Variants in NDST4 observed in about 807,000 individuals in gnomAD.
NDST4 encodes N-heparan sulfate sulfotransferase 4.
In NDST4, 63 loss-of-function variants were observed where a neutral mutation model predicts 100.8. The ratio of observed to expected loss-of-function variants is 0.62; its 90% confidence interval spans 0.51 to 0.77. The LOEUF (loss-of-function observed/expected upper bound fraction) is 0.77. Among genes scored for constraint, NDST4 ranks in the 30% least tolerant of loss-of-function variants. NDST4 has a pLI of 0.00. For synonymous variants in NDST4, 377 were observed against 361.8 expected (o/e 1.04, Z -0.48); for missense variants, 943 against 1,018.4 (o/e 0.93, Z 1.01).
intron 4 of NDST4, among the ~76,000 whole-genome samples, chr4:114,945,214 A>AAAG (rs1725836149): frequency 6.7e-6 from 1 of 149,108 alleles, no homozygotes; most frequent in African/African-American, 2.5e-5. Flanking sequence ...GTCTCAAAAA[A>AAAG]AAAAAAAAAA....
intron 2 of NDST4, among the ~76,000 whole-genome samples, chr4:115,002,900 A>T (rs1346578440): frequency 2.6e-5 from 4 of 152,176 alleles, no homozygotes; most frequent in Admixed American, 2.0e-4. Context: ...ATGCAGCCAT[A>T]AAAAAGAATG....
intron 7 of NDST4, among the ~76,000 whole-genome samples, chr4:114,863,753 A>G (rs1723967241): frequency 6.6e-6 from 1 of 152,226 alleles, no homozygotes; most frequent in African/African-American, 2.4e-5. Flanking sequence ...GGTGATGCAC[A>G]TGGTTTGTAT....
intron 2 of NDST4, among the ~76,000 whole-genome samples, chr4:114,981,059 A>T (rs1726759393): frequency 6.6e-6 from 1 of 152,136 alleles, no homozygotes; most frequent in African/African-American, 2.4e-5. Context: ...AAAAAAATAC[A>T]AAAATTAGCC....
At chr4:115,078,876 A>G (rs1729244892) in intron 1 of NDST4, among the ~76,000 whole-genome samples, 1 of 151,948 alleles carries the variant, frequency 6.6e-6, no homozygotes, top group Non-Finnish European at 1.5e-5. Context: ...AGTGACCTGG[A>G]TGCTTCTAAC....
intron 5 of NDST4, among the ~76,000 whole-genome samples, chr4:114,935,883 T>C (rs1725619149): frequency 6.6e-6 from 1 of 152,194 alleles, no homozygotes; most frequent in African/African-American, 2.4e-5. Flanking sequence ...CTTTTGTAAG[T>C]CTGAATGTTT....
chr4:114,877,392 C>T (rs1724277802), intron 6 of NDST4, among the ~76,000 whole-genome samples: 1 of 152,116 alleles, frequency 6.6e-6, no homozygotes, highest in Non-Finnish European at 1.5e-5. Context: ...CACACACATG[C>T]ATGTCAGCTG....
intron 11 of NDST4, among the ~76,000 whole-genome samples, chr4:114,836,185 T>G (rs2126181773): frequency 6.6e-6 from 1 of 152,344 alleles, no homozygotes; most frequent in Non-Finnish European, 1.5e-5. Context: ...GTACATTACT[T>G]AATACAATTT....
intron 1 of NDST4, among the ~76,000 whole-genome samples, chr4:115,086,602 T>C: frequency 6.6e-6 from 1 of 152,112 alleles, no homozygotes; most frequent in South Asian, 2.1e-4. Flanking sequence ...ACTAGGTTCA[T>C]AGCTCTGAGC....
At chr4:115,072,611 G>A (rs114374329) in intron 2 of NDST4, among the ~76,000 whole-genome samples, 1,836 of 152,040 alleles carry the variant, frequency 0.012, 34 homozygotes, top group African/African-American at 0.041. Flanking sequence ...TCAATAAATA[G>A]TGTTAGGAAA....
intron 6 of NDST4, among the ~76,000 whole-genome samples, chr4:114,895,752 C>T (rs1000008948): frequency 3.9e-5 from 6 of 151,908 alleles, no homozygotes; most frequent in African/African-American, 4.8e-5. Flanking sequence ...ACAGGCAAAC[C>T]GAATCCAGCA....
chr4:114,845,118 C>T (rs1723516451), intron 10 of NDST4, among the ~76,000 whole-genome samples: 1 of 151,934 alleles, frequency 6.6e-6, no homozygotes, highest in African/African-American at 2.4e-5. Context: ...TTGCTCGAGC[C>T]CGGGAGTTCA....
In NDST4 at chr4:114,857,110, T is replaced by C. The variant is rs532295619; in HGVS notation, c.1720-4289A>G. 1.1e-3 allele frequency among the ~76,000 whole-genome samples: 162 copies of C among 152,310 alleles called. 1 individual carries two copies. Among genetic ancestry groups the C allele is most frequent in the African/African-American group, 3.7e-3 (154 of 41,576 alleles). ...AAGATTCATGATACTATGGCATCAA[T>C]GATATAAATGGATGCCTTGTGGAAT... On this transcript the variant is annotated intron_variant, in intron 7 of 13. Transcript: ENST00000264363.
intron 9 of NDST4, among the ~76,000 whole-genome samples, chr4:114,846,339 T>C (rs1239606860): frequency 6.6e-6 from 1 of 152,180 alleles, no homozygotes; most frequent in Non-Finnish European, 1.5e-5. Context: ...TTACACTATA[T>C]TGTTTAGTTG....
intron 2 of NDST4, among the ~76,000 whole-genome samples, chr4:115,027,147 C>T (rs916780460): frequency 7.2e-5 from 11 of 152,096 alleles, no homozygotes; most frequent in African/African-American, 1.9e-4. Flanking sequence ...TTTCTGCATG[C>T]TTTGTACGTA....
At chr4:115,031,754 T>C (rs1728121041) in intron 2 of NDST4, among the ~76,000 whole-genome samples, 2 of 152,092 alleles carry the variant, frequency 1.3e-5, no homozygotes, top group African/African-American at 2.4e-5. Context: ...GGAGCTTCCT[T>C]AGATTTTTTT....
chr4:115,031,560 G>C (rs1369533947), intron 2 of NDST4, among the ~76,000 whole-genome samples: 1 of 151,974 alleles, frequency 6.6e-6, no homozygotes, highest in Non-Finnish European at 1.5e-5. Flanking sequence ...AGGGAACTCT[G>C]TTCAAGTTCT....
chr4:114,833,112 G>A (rs752593322), intron 12 of NDST4, among the ~76,000 whole-genome samples: 1 of 152,186 alleles, frequency 6.6e-6, no homozygotes, highest in Non-Finnish European at 1.5e-5. Flanking sequence ...TAGGCTTTGG[G>A]ATGGTTTGTC....
At chr4:115,104,546 C>G (rs901767434) in intron 1 of NDST4, among the ~76,000 whole-genome samples, 1 of 152,058 alleles carries the variant, frequency 6.6e-6, no homozygotes, top group African/African-American at 2.4e-5. Flanking sequence ...TCTGCTTACT[C>G]CAGCGTGACA....
At chr4:114,849,519 A>C (rs1313565757) in intron 8 of NDST4, among the ~76,000 whole-genome samples, 1 of 152,222 alleles carries the variant, frequency 6.6e-6, no homozygotes, top group African/African-American at 2.4e-5. Flanking sequence ...CTGCACTTTG[A>C]GTATTAATGA....
Sources: allele counts gnomAD v4.1 joint callset (sites outside exome capture counted in the v4.1 genomes callset), GRCh38; gene constraint gnomAD v4.1.1; transcripts MANE v1.5; gene names NCBI Gene and HGNC (gene_info 2026-07-23, HGNC 2026-07-21).